RPTOR: variants seen among roughly 807,000 people sequenced by gnomAD.
RPTOR encodes regulatory associated protein of MTOR complex 1.
Under a neutral mutation model 169.9 loss-of-function variants are expected in RPTOR, and 21 were observed. That is an observed-to-expected ratio of 0.12 (90% confidence interval 0.09 to 0.18). The LOEUF (loss-of-function observed/expected upper bound fraction) is 0.18. Ranked by LOEUF, RPTOR falls within the 10% of genes least tolerant of loss-of-function variation. The pLI, the probability that RPTOR is intolerant of heterozygous loss-of-function variation, is 1.00. For synonymous variants in RPTOR, 732 were observed against 753.2 expected (o/e 0.97, Z 0.46); for missense variants, 1,133 against 1,855.9 (o/e 0.61, Z 7.16).
intron 6 of RPTOR, among the ~76,000 whole-genome samples, chr17:80,755,236 C>T (rs2066668606): frequency 6.6e-6 from 1 of 152,182 alleles, no homozygotes; most frequent in African/African-American, 2.4e-5. Context: ...CCCCACCAAA[C>T]TTGAGGGCTA....
intron 13 of RPTOR, among the ~76,000 whole-genome samples, chr17:80,859,387 GGGGGATATGTTGCC>G (rs2067892312): frequency 6.6e-6 from 1 of 152,222 alleles, no homozygotes; most frequent in Non-Finnish European, 1.5e-5. Context: ...GAATGGAGTT[GGGGGATATGTTGCC>G]CTCTGCAGGG....
At chr17:80,849,648 A>G (rs1432303539) in intron 11 of RPTOR, among the ~76,000 whole-genome samples, 1 of 152,094 alleles carries the variant, frequency 6.6e-6, no homozygotes, top group Admixed American at 6.5e-5. Context: ...CCTCCCAAGT[A>G]GCTGGGATTA....
At chr17:80,655,576 A>AT (rs36041783) in intron 3 of RPTOR, among the ~76,000 whole-genome samples, 24,135 of 135,644 alleles carry the variant, frequency 0.18, 2,222 homozygotes, top group East Asian at 0.24. Context: ...CTAATTTTTA[A>AT]TTTTTTTTTT....
intron 3 of RPTOR, among the ~76,000 whole-genome samples, chr17:80,675,806 A>G (rs570098829): frequency 5.3e-5 from 8 of 152,260 alleles, no homozygotes; most frequent in South Asian, 4.1e-4. Context: ...CCCACCTCCA[A>G]GCATTTTCAC....
chr17:80,652,167 C>CT (rs201882074), intron 3 of RPTOR, among the ~76,000 whole-genome samples: 5 of 148,094 alleles, frequency 3.4e-5, no homozygotes, highest in African/African-American at 1.0e-4. Flanking sequence ...GAGACTCCAT[C>CT]TTAAAAAAAA....
At chr17:80,846,888 C>T (rs1054207989) in intron 11 of RPTOR, among the ~76,000 whole-genome samples, 10 of 152,248 alleles carry the variant, frequency 6.6e-5, no homozygotes, top group Admixed American at 6.5e-4. Context: ...TCCATCATCC[C>T]CCTCTCCCCT....
At chr17:80,798,773 T>G (rs967392254) in intron 7 of RPTOR, among the ~76,000 whole-genome samples, 5 of 152,214 alleles carry the variant, frequency 3.3e-5, no homozygotes, top group Non-Finnish European at 7.3e-5. Context: ...ACCCAGGGAA[T>G]ATTTAAAAAT....
intron 3 of RPTOR, among the ~76,000 whole-genome samples, chr17:80,685,651 T>TTTTA (rs2065941268): frequency 2.2e-5 from 2 of 92,760 alleles, no homozygotes; most frequent in Non-Finnish European, 4.6e-5. Context: ...TTTTTTTTTT[T>TTTTA]TTTTTTGCTG....
intron 7 of RPTOR, among the ~76,000 whole-genome samples, chr17:80,813,610 A>T (rs1453564012): frequency 1.3e-5 from 2 of 152,190 alleles, no homozygotes; most frequent in African/African-American, 2.4e-5. Flanking sequence ...CTAGCAACCT[A>T]GCCATTATGC....
intron 9 of RPTOR, among the ~76,000 whole-genome samples, chr17:80,833,482 G>C (rs190231871): frequency 2.0e-5 from 3 of 152,136 alleles, no homozygotes; most frequent in South Asian, 4.2e-4. Context: ...TTCTGCTGTC[G>C]TGTGCTGCCA....
At chr17:80,671,681 T>G (rs921717269) in intron 3 of RPTOR, among the ~76,000 whole-genome samples, 7 of 152,184 alleles carry the variant, frequency 4.6e-5, no homozygotes, top group South Asian at 4.1e-4. Flanking sequence ...ACTGGAGAAG[T>G]GAGCACACTT....
At chr17:80,913,869 C>A (rs1207797032) in intron 21 of RPTOR, among the ~76,000 whole-genome samples, 1 of 152,196 alleles carries the variant, frequency 6.6e-6, no homozygotes, top group East Asian at 1.9e-4. Context: ...GGTTTTAGGA[C>A]AATGCCAAGA....
chr17:80,642,917 T>C (rs1479776873), intron 2 of RPTOR, among the ~76,000 whole-genome samples: 1 of 152,192 alleles, frequency 6.6e-6, no homozygotes, highest in African/African-American at 2.4e-5. Flanking sequence ...TTCCAGAAAT[T>C]CGCAAAAATA....
chr17:80,672,069 G>T (rs536209342), intron 3 of RPTOR, among the ~76,000 whole-genome samples: 1 of 152,286 alleles, frequency 6.6e-6, no homozygotes, highest in South Asian at 2.1e-4. Flanking sequence ...AATATCACAA[G>T]GTAAGTTTTT....
chr17:80,546,130 G>A (rs1345680263), intron 1 of RPTOR, among the ~76,000 whole-genome samples: 3 of 152,180 alleles, frequency 2.0e-5, no homozygotes, highest in Admixed American at 6.5e-5. Context: ...GAAGGACAAC[G>A]TGCGATATAA....
intron 6 of RPTOR, among the ~76,000 whole-genome samples, chr17:80,766,134 T>C (rs2066784768): frequency 6.6e-6 from 1 of 152,126 alleles, no homozygotes; most frequent in Non-Finnish European, 1.5e-5. Flanking sequence ...CGGCCCACCG[T>C]AGTCTCAACT....
intron 28 of RPTOR, among the ~76,000 whole-genome samples, chr17:80,953,887 A>C (rs985685627): frequency 5.3e-5 from 8 of 152,188 alleles, no homozygotes; most frequent in African/African-American, 1.9e-4. Context: ...GCAGGGCTGC[A>C]AGTTGAAAGC....
chr17:80,770,026 G>A (rs2066826557), intron 6 of RPTOR, among the ~76,000 whole-genome samples: 1 of 152,226 alleles, frequency 6.6e-6, no homozygotes, highest in Non-Finnish European at 1.5e-5. Context: ...AATTTATAAA[G>A]AACAGAGTTA....
chr17:80,718,006 A>T (rs2066254179), intron 4 of RPTOR, among the ~76,000 whole-genome samples: 1 of 152,198 alleles, frequency 6.6e-6, no homozygotes, highest in South Asian at 2.1e-4. Flanking sequence ...TTGCAAAAGG[A>T]GAAAGGTTTT....
Sources: gnomAD v4.1 joint callset for allele counts (sites outside exome capture counted in the v4.1 genomes callset) on GRCh38, gnomAD v4.1.1 for gene constraint, MANE v1.5 for transcripts, NCBI Gene and HGNC (gene_info 2026-07-23, HGNC 2026-07-21) for gene names.